Variants in FBXL17 observed in about 807,000 individuals in gnomAD.
The protein encoded by FBXL17 is F-box and leucine rich repeat protein 17.
FBXL17 carries 22 observed loss-of-function variants against 66.2 expected under a neutral mutation model. The ratio of observed to expected loss-of-function variants is 0.33; its 90% CI spans 0.24 to 0.47. FBXL17 has a LOEUF of 0.47. FBXL17 is among the 20% of genes least tolerant of loss of function. The pLI, the probability that FBXL17 is intolerant of heterozygous loss-of-function variation, is 1.00. For missense variants in FBXL17, 878 were observed against 948.2 expected (o/e 0.93, Z 0.97); for synonymous variants, 474 against 400.5 (o/e 1.18, Z -2.19).
At chr5:107,984,092 A>G (rs1301489502) in intron 7 of FBXL17, among the ~76,000 whole-genome samples, 2 of 152,196 alleles carry the variant, frequency 1.3e-5, no homozygotes, top group Admixed American at 1.3e-4. Flanking sequence ...CAGACTATCT[A>G]GTGAGCAAGC....
chr5:108,155,908 T>C (rs1028792898), intron 6 of FBXL17, among the ~76,000 whole-genome samples: 1 of 152,184 alleles, frequency 6.6e-6, no homozygotes, highest in Non-Finnish European at 1.5e-5. Context: ...ATTTAATTTA[T>C]AGCATATCAA....
chr5:108,186,964 T>C (rs1302759233), intron 5 of FBXL17, among the ~76,000 whole-genome samples: 1 of 151,956 alleles, frequency 6.6e-6, no homozygotes, highest in Non-Finnish European at 1.5e-5. Flanking sequence ...TAGATTTTTT[T>C]ATTTTTTTAA....
chr5:108,038,551 C>G (rs1746934358), intron 6 of FBXL17, among the ~76,000 whole-genome samples: 1 of 151,962 alleles, frequency 6.6e-6, no homozygotes. Flanking sequence ...AATTCATTAT[C>G]TTGTGGATTT....
chr5:108,374,643 T>G (rs1384616827), intron 1 of FBXL17, among the ~76,000 whole-genome samples: 1 of 151,830 alleles, frequency 6.6e-6, no homozygotes, highest in African/African-American at 2.4e-5. Context: ...ACCACTGCAC[T>G]CCAGCCTGGG....
chr5:108,235,964 A>T (rs1318501300), intron 4 of FBXL17, among the ~76,000 whole-genome samples: 1 of 152,236 alleles, frequency 6.6e-6, no homozygotes, highest in Non-Finnish European at 1.5e-5. Flanking sequence ...AGTGGCTAAG[A>T]ATTAGATAAA....
intron 4 of FBXL17, among the ~76,000 whole-genome samples, chr5:108,336,967 CAA>C (rs1476103558): frequency 6.6e-6 from 1 of 151,968 alleles, no homozygotes; most frequent in Non-Finnish European, 1.5e-5. Context: ...TTCCTTATCT[CAA>C]AGAGAATTTT....
In FBXL17 at chr5:108,381,224, G is replaced by C; in HGVS notation, c.468C>G (p.Gly156=). Residue 156 remains glycine, a synonymous_variant, in exon 1 of 9, where the codon GGC becomes GGG. Coordinates refer to ENST00000542267, the MANE Select transcript of FBXL17 (RefSeq NM_001163315.3). The part of the protein sequence containing the change: ...LAAAAAWEQQ[G]RSLFLASLGP... ...CCAAGCTGGCCAGGAAGAGACTTCG[G>C]CCCTGCTGCTCCCAGGCGGCGGCCG... The C allele has an allele frequency of 6.9e-7, 1 of 1,447,578 alleles. No individual in the cohort carries two copies. Among genetic ancestry groups the C allele is most frequent in the Non-Finnish European group, 9.1e-7 (1 of 1,102,182 alleles). 89.7% of individuals were successfully genotyped at this position (1,447,578 alleles called of 1,614,324 possible). A position where few individuals can be genotyped will look rare whatever the true frequency, so the allele number is the denominator to read the frequency against.
At chr5:107,925,905 GT>G (rs1281870374) in intron 7 of FBXL17, among the ~76,000 whole-genome samples, 2 of 152,148 alleles carry the variant, frequency 1.3e-5, no homozygotes, top group African/African-American at 2.4e-5. Flanking sequence ...TAAAAGAAGG[GT>G]TTCATGCTTT....
intron 5 of FBXL17, among the ~76,000 whole-genome samples, chr5:108,188,363 T>C (rs140673856): frequency 6.6e-6 from 1 of 152,332 alleles, no homozygotes; most frequent in African/African-American, 2.4e-5. Flanking sequence ...CAGCTTCTTC[T>C]AAGGGCTAGG....
intron 6 of FBXL17, among the ~76,000 whole-genome samples, chr5:108,158,216 T>C (rs768244260): frequency 4.7e-4 from 72 of 152,206 alleles, no homozygotes; most frequent in Admixed American, 7.2e-4. Flanking sequence ...TGATCAATTA[T>C]AAAATTAGTA....
At chr5:108,229,932 G>GT (rs1187638057) in intron 4 of FBXL17, among the ~76,000 whole-genome samples, 1 of 152,004 alleles carries the variant, frequency 6.6e-6, no homozygotes, top group Non-Finnish European at 1.5e-5. Context: ...ATTCTCAAAA[G>GT]AAGATATTCA....
chr5:107,884,213 G>A (rs995319897), intron 7 of FBXL17, among the ~76,000 whole-genome samples: 3 of 152,194 alleles, frequency 2.0e-5, no homozygotes, highest in Admixed American at 2.0e-4. Context: ...TGCTCTGAAG[G>A]AAATGGACTG....
chr5:108,028,729 T>C (rs1754920067), intron 6 of FBXL17, among the ~76,000 whole-genome samples: 1 of 152,114 alleles, frequency 6.6e-6, no homozygotes, highest in African/African-American at 2.4e-5. Flanking sequence ...GGTTTCCTTC[T>C]CATTTGGGAA....
chr5:107,879,960 A>G, intron 8 of FBXL17: 1 of 922,366 alleles, frequency 1.1e-6, no homozygotes, highest in Non-Finnish European at 1.3e-6. Flanking sequence ...CTGAGCCTCC[A>G]TTTTCTCCCC....
intron 7 of FBXL17, among the ~76,000 whole-genome samples, chr5:107,919,192 T>G (rs1386754903): frequency 5.9e-5 from 9 of 152,202 alleles, no homozygotes; most frequent in South Asian, 4.1e-4. Context: ...CTTGGCTACA[T>G]AATAAATAAT....
At chr5:108,232,055 C>CT (rs1755366925) in intron 4 of FBXL17, among the ~76,000 whole-genome samples, 2 of 152,200 alleles carry the variant, frequency 1.3e-5, no homozygotes, top group South Asian at 4.1e-4. Context: ...TCAGTACCAG[C>CT]TGTGACCACG....
chr5:108,279,436 T>C (rs1390396179), intron 4 of FBXL17, among the ~76,000 whole-genome samples: 1 of 151,966 alleles, frequency 6.6e-6, no homozygotes, highest in Non-Finnish European at 1.5e-5. Context: ...CGGATACCAG[T>C]AATGCTATTT....
At chr5:108,291,208 G>C (rs1758100015) in intron 4 of FBXL17, among the ~76,000 whole-genome samples, 1 of 152,122 alleles carries the variant, frequency 6.6e-6, no homozygotes, top group African/African-American at 2.4e-5. Flanking sequence ...CCACCTTATT[G>C]ATTATATTCT....
chr5:108,067,100 G>C (rs535028825), intron 6 of FBXL17, among the ~76,000 whole-genome samples: 1 of 152,178 alleles, frequency 6.6e-6, no homozygotes, highest in South Asian at 2.1e-4. Flanking sequence ...ACATACTCTA[G>C]AATGTAGTTT....
Sources: allele counts gnomAD v4.1 joint callset (sites outside exome capture counted in the v4.1 genomes callset), GRCh38; gene constraint gnomAD v4.1.1; transcripts MANE v1.5; gene names NCBI Gene and HGNC (gene_info 2026-07-23, HGNC 2026-07-21).